The following XYLT1 variants were observed in gnomAD, a reference collection of about 807,000 sequenced individuals.
XYLT1 encodes the protein beta-D-xylosyltransferase 1.
A neutral mutation model predicts 91.3 loss-of-function variants in XYLT1; 36 were observed. The ratio of observed to expected loss-of-function variants is 0.39; its 90% confidence interval spans 0.30 to 0.52. XYLT1 has a LOEUF of 0.52. Among genes scored for constraint, XYLT1 ranks in the 20% least tolerant of loss-of-function variants. The pLI, the probability that XYLT1 is intolerant of heterozygous loss-of-function variation, is 0.68. For synonymous variants in XYLT1, 588 were observed against 532.0 expected, an observed-to-expected ratio of 1.11 and a Z score of -1.45; for missense variants, 1,242 against 1,284.5, an observed-to-expected ratio of 0.97 and a Z score of 0.51.
intron 2 of XYLT1, 40 bp from the exon 3 acceptor site, chr16:17,259,538 G>A: frequency 1.9e-6 from 3 of 1,589,182 alleles, no homozygotes; most frequent in Non-Finnish European, 2.6e-6. Context: ...AAACTTGACT[G>A]AGAGATCATG....
At chr16:17,123,074 CATATGAATTT>C (rs1279086454) in intron 10 of XYLT1, among the ~76,000 whole-genome samples, 1 of 152,036 alleles carries the variant, frequency 6.6e-6, no homozygotes, top group Non-Finnish European at 1.5e-5. Flanking sequence ...TTTTTAGTTC[CATATGAATTT>C]TAGGATTGCT....
intron 3 of XYLT1, among the ~76,000 whole-genome samples, chr16:17,252,584 G>A (rs1314053027): frequency 2.0e-5 from 3 of 152,176 alleles, no homozygotes; most frequent in Non-Finnish European, 4.4e-5. Flanking sequence ...ACCGAAAAGG[G>A]ATGGAGCTGG....
Position 17,431,894 on chromosome 16 carries a change from G to A in XYLT1, c.363+38540C>T, listed in dbSNP as rs145334148. Among the ~76,000 whole-genome samples, 1,320 of 152,308 alleles carry A rather than the reference G, an allele frequency of 8.7e-3. 16 individuals are homozygous for A. The highest frequency in any genetic ancestry group is 0.03 in the African/African-American group (1,243 of 41,558). On this transcript the variant is annotated intron_variant, in intron 1 of 11. Transcript: ENST00000261381. ...GGAAGGGAGAAGCAGCCATGGCTGC[G>A]GATCCTTCTGGGGTCTGGAAGCTCT...
chr16:17,279,736 A>G (rs1235583897), intron 2 of XYLT1, among the ~76,000 whole-genome samples: 1 of 152,210 alleles, frequency 6.6e-6, no homozygotes, highest in Non-Finnish European at 1.5e-5. Flanking sequence ...GAAGACCACG[A>G]GAGTCAGGCT....
chr16:17,380,481 T>C (rs773466803), intron 1 of XYLT1, among the ~76,000 whole-genome samples: 3 of 152,196 alleles, frequency 2.0e-5, no homozygotes, highest in Non-Finnish European at 4.4e-5. Flanking sequence ...AAGTCTCCTA[T>C]TTTATATCCT....
intron 3 of XYLT1, among the ~76,000 whole-genome samples, chr16:17,202,614 G>A (rs530341596): frequency 1.3e-5 from 2 of 152,236 alleles, no homozygotes; most frequent in African/African-American, 4.8e-5. Context: ...TTAGTTCACA[G>A]TCCAAAAAGG....
chr16:17,370,216 G>A (rs1192537826), intron 1 of XYLT1, among the ~76,000 whole-genome samples: 1 of 152,162 alleles, frequency 6.6e-6, no homozygotes, highest in African/African-American at 2.4e-5. Flanking sequence ...AGCCAAATTT[G>A]CCAGACCTCA....
chr16:17,445,063 G>A (rs888585945), intron 1 of XYLT1, among the ~76,000 whole-genome samples: 14 of 152,156 alleles, frequency 9.2e-5, no homozygotes, highest in African/African-American at 3.1e-4. Flanking sequence ...GCAGTAGCAC[G>A]ATCTCAGCTC....
At chr16:17,399,360 G>A (rs917450743) in intron 1 of XYLT1, among the ~76,000 whole-genome samples, 3 of 152,122 alleles carry the variant, frequency 2.0e-5, no homozygotes, top group African/African-American at 7.2e-5. Context: ...TGGTGCTGTT[G>A]GAAGGATCCT....
chr16:17,359,464 C>A (rs142548017), intron 1 of XYLT1, among the ~76,000 whole-genome samples: 57 of 152,304 alleles, frequency 3.7e-4, no homozygotes, highest in African/African-American at 1.3e-3. Context: ...GTGTAAGAGG[C>A]ACGATCTCAG....
intron 1 of XYLT1, among the ~76,000 whole-genome samples, chr16:17,424,811 T>C (rs1167576703): frequency 7.2e-6 from 1 of 139,498 alleles, no homozygotes; most frequent in Non-Finnish European, 1.5e-5. Flanking sequence ...GAGGTTGCAG[T>C]CAGCTGAGAT....
intron 1 of XYLT1, among the ~76,000 whole-genome samples, chr16:17,400,760 C>T (rs891375852): frequency 9.2e-5 from 14 of 151,832 alleles, no homozygotes; most frequent in African/African-American, 2.7e-4. Context: ...ATGAAAGCCA[C>T]GAGTGAAAGA....
intron 2 of XYLT1, among the ~76,000 whole-genome samples, chr16:17,261,214 G>A (rs1055462994): frequency 2.1e-5 from 3 of 140,362 alleles, no homozygotes; most frequent in Non-Finnish European, 3.0e-5. Flanking sequence ...ATGTATTCCA[G>A]CCTGGGGGGA....
At chr16:17,391,266 G>C (rs921361482) in intron 1 of XYLT1, among the ~76,000 whole-genome samples, 2 of 152,004 alleles carry the variant, frequency 1.3e-5, no homozygotes, top group Non-Finnish European at 2.9e-5. Flanking sequence ...TTACATTTCT[G>C]ACTATGATGG....
chr16:17,463,110 C>A (rs1040225786), intron 1 of XYLT1, among the ~76,000 whole-genome samples: 1 of 151,948 alleles, frequency 6.6e-6, no homozygotes, highest in Non-Finnish European at 1.5e-5. Flanking sequence ...ATCTAAGACC[C>A]GAGACTATGA....
intron 2 of XYLT1, among the ~76,000 whole-genome samples, chr16:17,342,003 C>A (rs2035069477): frequency 2.0e-5 from 3 of 152,214 alleles, no homozygotes; most frequent in African/African-American, 7.2e-5. Context: ...TTCAGCAGGG[C>A]AGCCACCAAT....
intron 5 of XYLT1, among the ~76,000 whole-genome samples, chr16:17,179,959 G>A (rs1366313655): frequency 1.3e-5 from 2 of 152,204 alleles, no homozygotes; most frequent in Non-Finnish European, 2.9e-5. Flanking sequence ...TCATTGTTAA[G>A]GACATGGGTG....
chr16:17,287,654 T>A (rs551268516), intron 2 of XYLT1, among the ~76,000 whole-genome samples: 1 of 152,322 alleles, frequency 6.6e-6, no homozygotes, highest in Admixed American at 6.5e-5. Context: ...TCCGTTCAGA[T>A]GTCACTTTGC....
intron 2 of XYLT1, among the ~76,000 whole-genome samples, chr16:17,299,219 G>A (rs1376715407): frequency 1.3e-5 from 2 of 152,096 alleles, no homozygotes; most frequent in African/African-American, 2.4e-5. Flanking sequence ...GGAAATGCAC[G>A]TGGTTAACCC....
Sources: allele counts gnomAD v4.1 joint callset (sites outside exome capture counted in the v4.1 genomes callset), GRCh38; gene constraint gnomAD v4.1.1; transcripts MANE v1.5; gene names NCBI Gene and HGNC (gene_info 2026-07-23, HGNC 2026-07-21).